The following RBFOX1 variants were observed in gnomAD, a reference collection of about 807,000 sequenced individuals.
RBFOX1 encodes the protein RNA binding fox-1 homolog 1, also known as RNA binding protein fox-1 homolog 1.
Under a neutral mutation model 57.7 loss-of-function variants are expected in RBFOX1, and 8 were observed. The observed-to-expected ratio is 0.14, with a 90% CI of 0.08 to 0.25. The LOEUF (loss-of-function observed/expected upper bound fraction) is 0.25. Ranked by LOEUF, RBFOX1 falls within the 10% of genes least tolerant of loss-of-function variation. RBFOX1 has a pLI of 1.00. For synonymous variants in RBFOX1, 326 were observed against 222.4 expected (o/e 1.47, Z -4.15); for missense variants, 611 against 548.5 (o/e 1.11, Z -1.14).
At chr16:5,936,541 G>A (rs181630106) in intron 4 of RBFOX1, among the ~76,000 whole-genome samples, 1 of 152,328 alleles carries the variant, frequency 6.6e-6, no homozygotes, top group East Asian at 1.9e-4. Flanking sequence ...ATGTCAAGGA[G>A]ACTGATGTGT....
chr16:5,814,124 C>A (rs946997754), intron 3 of RBFOX1, among the ~76,000 whole-genome samples: 1 of 152,088 alleles, frequency 6.6e-6, no homozygotes, highest in Non-Finnish European at 1.5e-5. Context: ...CAAGATGGTA[C>A]CTTCCCCTCT....
At chr16:7,613,217 G>T (rs2057859380) in intron 10 of RBFOX1, among the ~76,000 whole-genome samples, 1 of 152,154 alleles carries the variant, frequency 6.6e-6, no homozygotes, top group African/African-American at 2.4e-5. Context: ...AAGAGATTCT[G>T]AATGGATACT....
rs543177483 is a variant in RBFOX1 at position 7,156,353 on chromosome 16, A to G, written c.27+104255A>G. Among the ~76,000 whole-genome samples the G allele has an allele frequency of 2.0e-5, 3 of 151,918 alleles. No individual in the cohort carries two copies. In the East Asian group the frequency reaches 5.9e-4, roughly 30 times the overall value. On this transcript the variant is annotated intron_variant, in intron 4 of 15. Transcript: ENST00000550418. ...CATATGTATATACATATCTGTACAT[A>G]TACATGCACATATACATATGCGTGT...
chr16:6,436,249 G>A (rs1597222177), intron 2 of RBFOX1, among the ~76,000 whole-genome samples: 1 of 152,302 alleles, frequency 6.6e-6, no homozygotes, highest in African/African-American at 2.4e-5. Context: ...AATTAAAAAT[G>A]GCTGTTGGAA....
intron 2 of RBFOX1, among the ~76,000 whole-genome samples, chr16:6,398,452 G>A (rs996870336): frequency 2.0e-5 from 3 of 152,032 alleles, no homozygotes; most frequent in African/African-American, 7.2e-5. Flanking sequence ...TTCTGCCTAT[G>A]AGCCTGTAAA....
At chr16:5,733,240 C>G (rs2052448059) in intron 3 of RBFOX1, among the ~76,000 whole-genome samples, 1 of 152,178 alleles carries the variant, frequency 6.6e-6, no homozygotes, top group Admixed American at 6.5e-5. Flanking sequence ...TCTAAACTTT[C>G]ACTTTGGCTT....
chr16:6,157,893 A>G (rs2096849739), intron 1 of RBFOX1, among the ~76,000 whole-genome samples: 1 of 152,112 alleles, frequency 6.6e-6, no homozygotes, highest in African/African-American at 2.4e-5. Flanking sequence ...TTTTTCCAAG[A>G]GTTGAAAGCA....
intron 1 of RBFOX1, among the ~76,000 whole-genome samples, chr16:6,022,882 G>T (rs1221840510): frequency 1.3e-5 from 2 of 152,174 alleles, no homozygotes. Flanking sequence ...AACATGGGCT[G>T]TACCCTGTGA....
intron 3 of RBFOX1, among the ~76,000 whole-genome samples, chr16:6,872,104 G>C (rs971220745): frequency 3.9e-5 from 6 of 152,084 alleles, no homozygotes; most frequent in African/African-American, 1.4e-4. Flanking sequence ...AATTGTAATG[G>C]TACCTGTTAT....
chr16:5,512,948 G>T (rs1419679362), intron 2 of RBFOX1, among the ~76,000 whole-genome samples: 1 of 152,138 alleles, frequency 6.6e-6, no homozygotes, highest in Non-Finnish European at 1.5e-5. Flanking sequence ...CAGGGTCTCA[G>T]TTTGTCAACC....
At chr16:7,128,268 A>G (rs1388916651) in intron 4 of RBFOX1, among the ~76,000 whole-genome samples, 1 of 152,238 alleles carries the variant, frequency 6.6e-6, no homozygotes, top group Admixed American at 6.5e-5. Flanking sequence ...TATTTCCTTG[A>G]ATCCTCACAA....
chr16:5,733,298 C>A (rs1256475330), intron 3 of RBFOX1, among the ~76,000 whole-genome samples: 1 of 152,136 alleles, frequency 6.6e-6, no homozygotes, highest in South Asian at 2.1e-4. Flanking sequence ...CCACAAAGAC[C>A]TCGTAAACGC....
At chr16:7,500,837 C>A (rs1230103296) in intron 4 of RBFOX1, among the ~76,000 whole-genome samples, 1 of 152,188 alleles carries the variant, frequency 6.6e-6, no homozygotes, top group East Asian at 1.9e-4. Flanking sequence ...CCATAATCCC[C>A]ATGTCTCGTG....
At chr16:6,631,720 G>T (rs1026019999) in intron 2 of RBFOX1, among the ~76,000 whole-genome samples, 1 of 152,194 alleles carries the variant, frequency 6.6e-6, no homozygotes, top group African/African-American at 2.4e-5. Flanking sequence ...GCTGGGGGAA[G>T]AGCTCACTGA....
intron 11 of RBFOX1, among the ~76,000 whole-genome samples, chr16:7,642,747 T>C (rs1289843220): frequency 6.6e-6 from 1 of 152,194 alleles, no homozygotes; most frequent in African/African-American, 2.4e-5. Flanking sequence ...CAGATTTTGT[T>C]AAACTAATAG....
At chr16:5,322,046 AGGGGGCTTT>A (rs1313705968) in intron 1 of RBFOX1, among the ~76,000 whole-genome samples, 3 of 152,134 alleles carry the variant, frequency 2.0e-5, no homozygotes, top group African/African-American at 7.2e-5. Context: ...GCTGAGGCTT[AGGGGGCTTT>A]AGCATGTTTC....
intron 3 of RBFOX1, among the ~76,000 whole-genome samples, chr16:5,771,032 C>T (rs1006049197): frequency 6.6e-6 from 1 of 152,170 alleles, no homozygotes; most frequent in African/African-American, 2.4e-5. Context: ...ATGGAGTCTC[C>T]TGGAGGAGAC....
chr16:5,470,375 C>T (rs1215850312), intron 2 of RBFOX1, among the ~76,000 whole-genome samples: 6 of 152,182 alleles, frequency 3.9e-5, no homozygotes, highest in Non-Finnish European at 2.9e-5. Context: ...CCCACTGCAG[C>T]CCCTTAACCT....
At chr16:5,294,045 G>A (rs2063600822) in intron 1 of RBFOX1, among the ~76,000 whole-genome samples, 1 of 152,004 alleles carries the variant, frequency 6.6e-6, no homozygotes, top group African/African-American at 2.4e-5. Context: ...CTTGGCCAAC[G>A]TGGTGAAACC....
Sources: allele counts gnomAD v4.1 joint callset (sites outside exome capture counted in the v4.1 genomes callset), GRCh38; gene constraint gnomAD v4.1.1; transcripts MANE v1.5; gene names NCBI Gene and HGNC (gene_info 2026-07-23, HGNC 2026-07-21).